Variants in PPP3R1 observed in about 807,000 individuals in gnomAD.
PPP3R1 encodes the protein calcineurin subunit B type 1.
In PPP3R1, 5 loss-of-function variants were observed where a neutral mutation model predicts 22.6. The ratio of observed to expected loss-of-function variants is 0.22; its 90% confidence interval spans 0.12 to 0.46. The LOEUF is 0.46. Ranked by LOEUF, PPP3R1 falls within the 20% of genes least tolerant of loss-of-function variation. The probability of loss-of-function intolerance (pLI) is 0.99; values close to 1 mark genes in which losing one functional copy is unlikely to be tolerated. For synonymous variants in PPP3R1, 56 were observed against 65.2 expected (o/e 0.86, Z 0.68); for missense variants, 61 against 203.2 (o/e 0.30, Z 4.25).
At chr2:68,182,108 GCTA>G (rs5831920) in intron 5 of PPP3R1, among the ~76,000 whole-genome samples, 40,686 of 125,492 alleles carry the variant, frequency 0.32, 6,416 homozygotes, top group South Asian at 0.55. Flanking sequence ...ACGACCAGTA[GCTA>G]CTATTTTCTG....
intron 2 of PPP3R1, among the ~76,000 whole-genome samples, chr2:68,199,914 T>C (rs1325231131): frequency 6.6e-6 from 1 of 152,202 alleles, no homozygotes; most frequent in Non-Finnish European, 1.5e-5. Context: ...TATTATAATG[T>C]CTTTGGTATT....
intron 2 of PPP3R1, among the ~76,000 whole-genome samples, chr2:68,204,353 G>GATATATATATTCTGATAT (rs1553405725): frequency 6.7e-6 from 1 of 148,344 alleles, no homozygotes; most frequent in African/African-American, 2.5e-5. Flanking sequence ...TATATATTCT[G>GATATATATATTCTGATAT]ATATATATAT....
chr2:68,205,211 A>G (rs1339793421), intron 2 of PPP3R1, among the ~76,000 whole-genome samples: 1 of 150,856 alleles, frequency 6.6e-6, no homozygotes, highest in East Asian at 1.9e-4. Context: ...AATCCCAGAC[A>G]TATCATTTCC....
chr2:68,237,316 G>A (rs1435356895), intron 1 of PPP3R1, among the ~76,000 whole-genome samples: 5 of 151,880 alleles, frequency 3.3e-5, no homozygotes, highest in African/African-American at 7.3e-5. Context: ...AATTACCTAC[G>A]CCAATACTCA....
chr2:68,243,878 T>C (rs1481177450), intron 1 of PPP3R1, among the ~76,000 whole-genome samples: 1 of 151,456 alleles, frequency 6.6e-6, no homozygotes, highest in African/African-American at 2.4e-5. Flanking sequence ...TAAATTATAA[T>C]AAAATCCATA....
chr2:68,190,137 T>C (rs527980014), intron 2 of PPP3R1, among the ~76,000 whole-genome samples: 3 of 150,636 alleles, frequency 2.0e-5, no homozygotes, highest in East Asian at 3.9e-4. Context: ...GGTGTTCTAA[T>C]ATGAATTAGT....
At chr2:68,226,854 C>T (rs570089473) in intron 1 of PPP3R1, among the ~76,000 whole-genome samples, 53 of 152,086 alleles carry the variant, frequency 3.5e-4, no homozygotes, top group Non-Finnish European at 7.2e-4. Flanking sequence ...TCTTAAAAGT[C>T]CAGTTATTCA....
chr2:68,180,987 G>A lies in PPP3R1; in HGVS notation c.489C>T (p.His163=). The A allele has an allele frequency of 6.2e-7, 1 of 1,613,606 alleles. No homozygotes were observed. The highest frequency in any genetic ancestry group is 2.2e-5 in the East Asian group (1 of 44,890). ...GTCACACATCTACCACCATCTTTTT[G>A]TGGATATCTAGGCCACCTACAACCT... ...FCAVVGGLDI[H]KKMVVDV Residue 163 remains histidine (H), a synonymous_variant, in exon 6 of 6, where the codon CAC becomes CAT. Coordinates refer to ENST00000234310, the MANE Select transcript of PPP3R1 (RefSeq NM_000945.4).
chr2:68,223,029 G>T (rs1416152457), intron 1 of PPP3R1, among the ~76,000 whole-genome samples: 3 of 152,150 alleles, frequency 2.0e-5, no homozygotes, highest in African/African-American at 7.2e-5. Flanking sequence ...AAGCAGAAAG[G>T]AAGGGTACTG....
At chr2:68,211,892 A>G (rs1669494009) in intron 2 of PPP3R1, among the ~76,000 whole-genome samples, 1 of 152,112 alleles carries the variant, frequency 6.6e-6, no homozygotes, top group Non-Finnish European at 1.5e-5. Context: ...CTCCACTTCT[A>G]ATTCTAGTTC....
At chr2:68,211,898 A>AGT (rs1669494216) in intron 2 of PPP3R1, among the ~76,000 whole-genome samples, 1 of 152,126 alleles carries the variant, frequency 6.6e-6, no homozygotes, top group Admixed American at 6.5e-5. Context: ...TTCTAATTCT[A>AGT]GTTCTTTTGC....
At chr2:68,199,194 C>G (rs527873314) in intron 2 of PPP3R1, among the ~76,000 whole-genome samples, 252 of 152,236 alleles carry the variant, frequency 1.7e-3, no homozygotes, top group Non-Finnish European at 2.7e-3. Flanking sequence ...GATCTCCTGA[C>G]CTCGTGATCT....
Position 68,180,745 on chromosome 2 carries a change from T to A in PPP3R1, c.*218A>T, listed in dbSNP as rs1409354120. 1.4e-5 allele frequency: 7 copies of A among 497,536 alleles called. No homozygotes were observed. The highest frequency in any genetic ancestry group is 1.3e-4 in the East Asian group (4 of 30,064). The allele number at this position is 497,536 out of a possible 1,614,324, so 30.8% of individuals were successfully genotyped here. ...ACCACATTGATATGCTCTTTTCATG[T>A]TGCTGTCCTTCAGACTTTAAAGTGC... On this transcript the variant is annotated 3_prime_UTR_variant, in exon 6 of 6. Coordinates refer to ENST00000234310, the MANE Select transcript of PPP3R1 (RefSeq NM_000945.4).
intron 1 of PPP3R1, among the ~76,000 whole-genome samples, chr2:68,243,124 CA>C (rs1020169493): frequency 6.6e-6 from 1 of 151,906 alleles, no homozygotes; most frequent in Non-Finnish European, 1.5e-5. Context: ...ATTTAAAAAA[CA>C]AAACAAAACT....
intron 2 of PPP3R1, among the ~76,000 whole-genome samples, chr2:68,190,256 A>T (rs869177633): frequency 9.8e-5 from 3 of 30,614 alleles, no homozygotes; most frequent in East Asian, 1.7e-3. Context: ...AGTTTCTCTT[A>T]AAAAAAAAAA....
At chr2:68,232,525 G>A (rs1220631263) in intron 1 of PPP3R1, among the ~76,000 whole-genome samples, 1 of 151,830 alleles carries the variant, frequency 6.6e-6, no homozygotes, top group African/African-American at 2.4e-5. Flanking sequence ...CAAAGAAAAA[G>A]AAAACTCATA....
At chr2:68,204,564 A>C (rs1675069115) in intron 2 of PPP3R1, among the ~76,000 whole-genome samples, 2 of 152,200 alleles carry the variant, frequency 1.3e-5, no homozygotes, top group South Asian at 4.1e-4. Context: ...CCAGTTATTT[A>C]AAGTCTCTTT....
At chr2:68,249,471 T>C (rs1670297112) in intron 1 of PPP3R1, among the ~76,000 whole-genome samples, 1 of 152,168 alleles carries the variant, frequency 6.6e-6, no homozygotes, top group Non-Finnish European at 1.5e-5. Context: ...GAAAAGGCCT[T>C]TATAAAATTT....
chr2:68,233,881 A>G (rs990769233), intron 1 of PPP3R1, among the ~76,000 whole-genome samples: 1 of 152,242 alleles, frequency 6.6e-6, no homozygotes, highest in African/African-American at 2.4e-5. Context: ...CTTAAAAGTT[A>G]AAAGTTAACT....
Sources: gnomAD v4.1 joint callset for allele counts (sites outside exome capture counted in the v4.1 genomes callset) on GRCh38, gnomAD v4.1.1 for gene constraint, MANE v1.5 for transcripts, NCBI Gene and HGNC (gene_info 2026-07-23, HGNC 2026-07-21) for gene names.